Variants in PTPRQ observed in about 807,000 individuals in gnomAD.
The protein encoded by PTPRQ is protein tyrosine phosphatase receptor type Q, also known as phosphatidylinositol phosphatase PTPRQ.
Under a neutral mutation model 246.0 loss-of-function variants are expected in PTPRQ, and 199 were observed. The observed-to-expected ratio is 0.81, with a 90% CI of 0.72 to 0.91. The LOEUF is 0.91. Among genes scored for constraint, PTPRQ ranks in the 40% least tolerant of loss-of-function variants. The pLI is 0.00. For missense variants in PTPRQ, 2,624 were observed against 2,528.4 expected, an observed-to-expected ratio of 1.04 and a Z score of -0.81; for synonymous variants, 869 against 853.2, an observed-to-expected ratio of 1.02 and a Z score of -0.32.
rs140254013 is a variant in PTPRQ, at chr12:80,587,966, C to T, written c.4286-163C>T. Among the ~76,000 whole-genome samples the T allele has an allele frequency of 2.5e-3, 378 of 152,284 alleles. 5 individuals carry two copies. Among genetic ancestry groups the T allele is most frequent in the African/African-American group, 8.6e-3 (359 of 41,554 alleles). ...TTTAAAATGATGGTCCCGGAAGCAT[C>T]ACTCTAAGGTTCTTCTCATTAAGTG... On this transcript the variant is annotated intron_variant, in intron 25 of 44. Transcript: ENST00000644991.
intron 33 of PTPRQ, among the ~76,000 whole-genome samples, chr12:80,625,938 G>A (rs966252366): frequency 6.6e-6 from 1 of 152,108 alleles, no homozygotes; most frequent in African/African-American, 2.4e-5. Context: ...TTTAATTATA[G>A]AGGGATCCTG....
intron 31 of PTPRQ, 135 bp from the exon 32 acceptor site, chr12:80,620,019 G>A: frequency 8.8e-7 from 1 of 1,132,518 alleles, no homozygotes; most frequent in Non-Finnish European, 1.2e-6. Flanking sequence ...TATACAGGTG[G>A]ATCACTTGAA....
At chr12:80,450,330 C>T (rs1371075298) in intron 3 of PTPRQ, among the ~76,000 whole-genome samples, 1 of 152,242 alleles carries the variant, frequency 6.6e-6, no homozygotes, top group East Asian at 1.9e-4. Context: ...CAAACAGGGA[C>T]AATTTGACTT....
At position 80,510,185 on chromosome 12, in the gene PTPRQ, C is replaced by G. The variant is rs2047727642; in HGVS notation, c.2558-138C>G. ...TCATCTCATTTTGAAAGTAAACAGT[C>G]TCTTGTGCTTCTGGAGAAAAGCACT... On this transcript the variant is annotated intron_variant, in intron 16 of 44. Coordinates refer to ENST00000644991, the MANE Select transcript of PTPRQ (RefSeq NM_001145026.2). The G allele has an allele frequency of 9.2e-6, 8 of 873,838 alleles. No individual in the cohort carries two copies. The South Asian group carries it at 2.7e-4, about 29-fold the overall frequency. The allele number at this position is 873,838 out of a possible 1,614,324, so 54.1% of individuals were successfully genotyped here.
chr12:80,495,168 CAT>C, intron 11 of PTPRQ, 22 bp from the exon 12 acceptor site: 1 of 1,543,830 alleles, frequency 6.5e-7, no homozygotes, highest in East Asian at 2.5e-5. Context: ...TTTTTTCATT[CAT>C]ATGTTCATTC....
Position 80,450,573 on chromosome 12 carries a change from A to G in PTPRQ, c.390+4856A>G, listed in dbSNP as rs553621754. On this transcript the variant is annotated intron_variant, in intron 3 of 44. Coordinates refer to ENST00000644991, the MANE Select transcript of PTPRQ (RefSeq NM_001145026.2). Reference sequence around the variant, plus strand: ...TCCCATCAATACCTAATTTATTGAGAGTTTTTAGCATGAAGCATTGTTGAA... The same window carrying G: ...TCCCATCAATACCTAATTTATTGAGGGTTTTTAGCATGAAGCATTGTTGAA... Among the ~76,000 whole-genome samples, 7 of 152,046 alleles carry G rather than the reference A, an allele frequency of 4.6e-5. No homozygotes were observed. The East Asian group carries it at 1.4e-3, about 29-fold the overall frequency.
intron 19 of PTPRQ, among the ~76,000 whole-genome samples, chr12:80,537,860 A>G (rs1291345876): frequency 6.6e-6 from 1 of 152,216 alleles, no homozygotes; most frequent in Non-Finnish European, 1.5e-5. Context: ...CTGTAATCCC[A>G]GCACTTTGGG....
intron 14 of PTPRQ, among the ~76,000 whole-genome samples, chr12:80,502,797 T>A (rs1592590031): frequency 6.6e-6 from 1 of 151,736 alleles, no homozygotes; most frequent in African/African-American, 2.4e-5. Context: ...AAGTCTTAGG[T>A]GTTGCCATGA....
intron 26 of PTPRQ, among the ~76,000 whole-genome samples, chr12:80,603,266 G>C (rs1898201698): frequency 6.6e-6 from 1 of 151,092 alleles, no homozygotes; most frequent in South Asian, 2.1e-4. Context: ...CTTTTGGAAA[G>C]AGCTTATCTA....
At chr12:80,599,350 G>T (rs1442639111) in intron 26 of PTPRQ, among the ~76,000 whole-genome samples, 2 of 151,842 alleles carry the variant, frequency 1.3e-5, no homozygotes, top group East Asian at 3.9e-4. Context: ...AAGAGAAAGG[G>T]TATAGTGATA....
intron 25 of PTPRQ, among the ~76,000 whole-genome samples, chr12:80,578,047 A>AT (rs966545170): frequency 7.7e-4 from 115 of 148,510 alleles, no homozygotes; most frequent in East Asian, 3.1e-3. Flanking sequence ...AGAATGGGAA[A>AT]TTTTTTTTTT....
At chr12:80,601,954 C>T (rs1258101933) in intron 26 of PTPRQ, among the ~76,000 whole-genome samples, 1 of 151,626 alleles carries the variant, frequency 6.6e-6, no homozygotes, top group African/African-American at 2.4e-5. Flanking sequence ...TCCTTGATAC[C>T]TTAGTTGTTG....
chr12:80,654,456 T>C (rs1900362232), intron 38 of PTPRQ, among the ~76,000 whole-genome samples: 1 of 152,176 alleles, frequency 6.6e-6, no homozygotes, highest in Non-Finnish European at 1.5e-5. Flanking sequence ...TCATCCAGAC[T>C]GTTTGCTTCA....
intron 20 of PTPRQ, among the ~76,000 whole-genome samples, chr12:80,540,180 A>G (rs1005858073): frequency 6.6e-6 from 1 of 152,060 alleles, no homozygotes; most frequent in African/African-American, 2.4e-5. Flanking sequence ...GCTTCAAAAG[A>G]TGTCGTGGCC....
Position 80,534,919 on chromosome 12 carries a change from A to T in PTPRQ, c.2867A>T (p.Tyr956Phe). Residue 956 changes from tyrosine to phenylalanine, a missense_variant, in exon 19 of 45, where the codon TAT becomes TTT. By Grantham distance (22) the Tyr-to-Phe change is conservative. Coordinates refer to ENST00000644991, the MANE Select transcript of PTPRQ (RefSeq NM_001145026.2). ...CCAAGCGATCCTCCCAAAGATGTTTATTATGCAAACCTCAGTTCTTCATCA... is the reference window on the plus strand; with the variant it reads ...CCAAGCGATCCTCCCAAAGATGTTTTTTATGCAAACCTCAGTTCTTCATCA... The part of the protein sequence containing the change: ...GAPSDPPKDV[Y>F]YANLSSSSII... 6.5e-7 allele frequency: 1 copy of T among 1,550,010 alleles called. No individual in the cohort carries two copies. The highest frequency in any genetic ancestry group is 8.7e-7 in the Non-Finnish European group (1 of 1,146,274).
intron 25 of PTPRQ, among the ~76,000 whole-genome samples, chr12:80,587,587 T>C (rs1897662093): frequency 1.3e-5 from 2 of 152,188 alleles, no homozygotes; most frequent in Admixed American, 1.3e-4. Context: ...GGACTACATG[T>C]TAATTCTAAA....
At chr12:80,553,046 T>A (rs552752372) in intron 25 of PTPRQ, among the ~76,000 whole-genome samples, 14 of 152,094 alleles carry the variant, frequency 9.2e-5, no homozygotes, top group Non-Finnish European at 1.8e-4. Flanking sequence ...CTCACAGTTC[T>A]AACAGAAAGC....
At chr12:80,599,151 A>G (rs1302254577) in intron 26 of PTPRQ, among the ~76,000 whole-genome samples, 2 of 151,922 alleles carry the variant, frequency 1.3e-5, no homozygotes, top group Non-Finnish European at 2.9e-5. Flanking sequence ...GATGACCCTG[A>G]CCCACATAAG....
chr12:80,494,742 TC>T (rs2120650096), intron 10 of PTPRQ, among the ~76,000 whole-genome samples, 190 bp from the exon 11 acceptor site: 1 of 152,112 alleles, frequency 6.6e-6, no homozygotes, highest in Non-Finnish European at 1.5e-5. Context: ...ATAGTAATAT[TC>T]AATACGATCT....
Sources: allele counts gnomAD v4.1 joint callset (sites outside exome capture counted in the v4.1 genomes callset), GRCh38; gene constraint gnomAD v4.1.1; transcripts MANE v1.5; gene names NCBI Gene and HGNC (gene_info 2026-07-23, HGNC 2026-07-21).